The following NDFIP2 variants were observed in gnomAD, a reference collection of about 807,000 sequenced individuals.
The protein encoded by NDFIP2 is NEDD4 family-interacting protein 2.
In NDFIP2, 19 loss-of-function variants were observed where a neutral mutation model predicts 36.0. The observed-to-expected ratio is 0.53, with a 90% confidence interval of 0.37 to 0.77. The LOEUF is 0.77. NDFIP2 is among the 30% of genes least tolerant of loss of function. The probability of loss-of-function intolerance (pLI) is 0.00; values close to 1 mark genes in which losing one functional copy is unlikely to be tolerated. For synonymous variants in NDFIP2, 181 were observed against 167.7 expected (o/e 1.08, Z -0.61); for missense variants, 446 against 435.8 (o/e 1.02, Z -0.21).
Position 79,484,187 on chromosome 13 carries a change from T to C in NDFIP2, c.321+2663T>C, listed in dbSNP as rs140458458. 4.4e-3 allele frequency among the ~76,000 whole-genome samples: 675 copies of C among 152,008 alleles called. 7 individuals carry two copies. The highest frequency in any genetic ancestry group is 0.016 in the African/African-American group (652 of 41,428). ...TGGTGCACCACACCTGGCTAATTTT[T>C]GTATTTTAGTAGAGATGGGGTTTCA... On this transcript the variant is annotated intron_variant, in intron 1 of 7. Coordinates refer to ENST00000218652, the MANE Select transcript of NDFIP2 (RefSeq NM_019080.3).
At chr13:79,523,900 C>T (rs1566662416) in intron 2 of NDFIP2, among the ~76,000 whole-genome samples, 1 of 152,134 alleles carries the variant, frequency 6.6e-6, no homozygotes. Context: ...TTGCTGAAAC[C>T]TTTTGGAAGA....
Position 79,481,398 on chromosome 13 carries a change from G to C in NDFIP2, c.195G>C (p.Ala65=). 1 of 1,556,092 alleles carries C rather than the reference G, an allele frequency of 6.4e-7. No individual in the cohort carries two copies. Among genetic ancestry groups the C allele is most frequent in the Non-Finnish European group, 8.7e-7 (1 of 1,149,746 alleles). ...GCRNGGGRGP[A]ATTSSTGVAV... is the part of the protein sequence containing the mutation. ...GGAACGGAGGCGGAAGGGGCCCTGC[G>C]GCGACGACGTCGTCGACGGGGGTGG... Residue 65 remains alanine (A), a synonymous_variant, in exon 1 of 8, where the codon GCG becomes GCC. Coordinates refer to ENST00000218652, the MANE Select transcript of NDFIP2 (RefSeq NM_019080.3).
intron 1 of NDFIP2, among the ~76,000 whole-genome samples, chr13:79,493,723 C>CT (rs1489064231): frequency 3.9e-5 from 6 of 152,070 alleles, no homozygotes; most frequent in African/African-American, 1.4e-4. Flanking sequence ...AGCTAAGTTT[C>CT]TTTTATTTAT....
chr13:79,548,800 T>A (rs1429244224), intron 6 of NDFIP2, among the ~76,000 whole-genome samples: 1 of 152,056 alleles, frequency 6.6e-6, no homozygotes, highest in East Asian at 1.9e-4. Context: ...GCTTTTGAAA[T>A]GTGCCTTGAA....
chr13:79,493,050 C>T (rs1321349973), intron 1 of NDFIP2, among the ~76,000 whole-genome samples: 1 of 152,062 alleles, frequency 6.6e-6, no homozygotes, highest in Admixed American at 6.6e-5. Flanking sequence ...GTGCACTTAT[C>T]CTTGTTATAG....
chr13:79,541,469 C>A (rs1449844773), intron 4 of NDFIP2, among the ~76,000 whole-genome samples: 1 of 150,968 alleles, frequency 6.6e-6, no homozygotes, highest in East Asian at 1.9e-4. Context: ...AAATTGTTTC[C>A]ACAACTTATA....
chr13:79,540,363 G>A (rs1326818992), intron 4 of NDFIP2, among the ~76,000 whole-genome samples: 1 of 152,162 alleles, frequency 6.6e-6, no homozygotes, highest in Non-Finnish European at 1.5e-5. Context: ...GGAAGACTGT[G>A]TCAAAGTCTT....
chr13:79,491,631 G>T (rs1000882516), intron 1 of NDFIP2, among the ~76,000 whole-genome samples: 2 of 152,080 alleles, frequency 1.3e-5, no homozygotes, highest in African/African-American at 4.8e-5. Context: ...TTGCTCAATT[G>T]TATGTGTATT....
At chr13:79,528,983 T>A (rs1874905885) in intron 2 of NDFIP2, among the ~76,000 whole-genome samples, 1 of 152,194 alleles carries the variant, frequency 6.6e-6, no homozygotes, top group African/African-American at 2.4e-5. Context: ...TTTTGGCTAG[T>A]TTTTATAGAT....
At chr13:79,542,262 A>G (rs775293589) in intron 4 of NDFIP2, among the ~76,000 whole-genome samples, 2 of 152,234 alleles carry the variant, frequency 1.3e-5, no homozygotes, top group Non-Finnish European at 1.5e-5. Flanking sequence ...GCATGCCATG[A>G]TAATAAGTAA....
intron 1 of NDFIP2, among the ~76,000 whole-genome samples, chr13:79,493,888 T>TA (rs1286583998): frequency 6.6e-6 from 1 of 151,848 alleles, no homozygotes; most frequent in African/African-American, 2.4e-5. Context: ...ACCATCATAT[T>TA]AAAAAAAATC....
intron 5 of NDFIP2, among the ~76,000 whole-genome samples, chr13:79,545,604 A>G (rs7332241): frequency 0.044 from 6,759 of 152,310 alleles, 524 homozygotes; most frequent in African/African-American, 0.16. Context: ...CCCTTAGTGT[A>G]TGCCAGGCAT....
intron 1 of NDFIP2, among the ~76,000 whole-genome samples, chr13:79,484,085 G>A (rs1299952930): frequency 1.3e-5 from 2 of 151,804 alleles, no homozygotes; most frequent in Non-Finnish European, 2.9e-5. Context: ...GCGTGATCTC[G>A]GCTCACTGCA....
At chr13:79,483,618 G>A (rs974588167) in intron 1 of NDFIP2, among the ~76,000 whole-genome samples, 1 of 152,116 alleles carries the variant, frequency 6.6e-6, no homozygotes, top group Non-Finnish European at 1.5e-5. Flanking sequence ...GAGATGGTAT[G>A]CAATGTTAAT....
chr13:79,535,220 A>G (rs1875188193), intron 3 of NDFIP2, among the ~76,000 whole-genome samples: 1 of 152,184 alleles, frequency 6.6e-6, no homozygotes, highest in African/African-American at 2.4e-5. Flanking sequence ...AAGTCCCAAT[A>G]ACTCCTTTTC....
At chr13:79,523,709 T>C (rs937342948) in intron 2 of NDFIP2, among the ~76,000 whole-genome samples, 8 of 152,176 alleles carry the variant, frequency 5.3e-5, no homozygotes, top group African/African-American at 1.7e-4. Context: ...TATGAGATGA[T>C]AAAATGCTTA....
In NDFIP2 at chr13:79,554,772, G is replaced by A. The variant is rs1876044270; in HGVS notation, c.*2259G>A. ...ATCTTTGCACTCTGCCTTAAAGATT[G>A]AAAAATCAAAACTCTTGTTAGGGTA... is the stretch of plus-strand genomic sequence containing the variant. On this transcript the variant is annotated 3_prime_UTR_variant, in exon 8 of 8. Transcript: ENST00000218652. 2 of 151,906 alleles carry A rather than the reference G, an allele frequency of 1.3e-5. No homozygotes were observed. The highest frequency in any genetic ancestry group is 1.3e-4 in the Admixed American group (2 of 15,246). The allele number at this position is 151,906 out of a possible 1,614,324, so 9.4% of individuals were successfully genotyped here.
intron 3 of NDFIP2, among the ~76,000 whole-genome samples, chr13:79,539,240 A>G (rs956046579): frequency 1.3e-5 from 2 of 152,164 alleles, no homozygotes; most frequent in Non-Finnish European, 2.9e-5. Context: ...ATATATATAT[A>G]TGTGCAGTGT....
At chr13:79,531,017 G>A (rs183898268) in intron 2 of NDFIP2, among the ~76,000 whole-genome samples, 516 of 152,212 alleles carry the variant, frequency 3.4e-3, no homozygotes, top group Admixed American at 5.4e-3. Context: ...GGCAGCAATC[G>A]TCTTATGAAA....
Sources: allele counts gnomAD v4.1 joint callset (sites outside exome capture counted in the v4.1 genomes callset), GRCh38; gene constraint gnomAD v4.1.1; transcripts MANE v1.5; gene names NCBI Gene and HGNC (gene_info 2026-07-23, HGNC 2026-07-21).